The following MTOR variants were observed in gnomAD, a reference collection of about 807,000 sequenced individuals.
MTOR encodes serine/threonine-protein kinase mTOR.
MTOR carries 70 observed loss-of-function variants against 319.8 expected under a neutral mutation model. The ratio of observed to expected loss-of-function variants is 0.22; its 90% CI spans 0.18 to 0.27. The LOEUF (loss-of-function observed/expected upper bound fraction) is 0.27. Among genes scored for constraint, MTOR ranks in the 10% least tolerant of loss-of-function variants. The pLI, the probability that MTOR is intolerant of heterozygous loss-of-function variation, is 1.00. For synonymous variants in MTOR, 1,183 were observed against 1,211.4 expected, an observed-to-expected ratio of 0.98 and a Z score of 0.49; for missense variants, 1,890 against 3,274.4, an observed-to-expected ratio of 0.58 and a Z score of 10.32.
Position 11,204,848 on chromosome 1 carries a change from G to T in MTOR, c.3802-145C>A, listed in dbSNP as rs77898037. On this transcript the variant is annotated intron_variant, in intron 25 of 57. Coordinates refer to ENST00000361445, the MANE Select transcript of MTOR (RefSeq NM_004958.4). ...ATTCCCCTAGAGTACAAATACAAAA[G>T]AATAATATTTAATTAAGAACAGCAA... 1.4e-3 allele frequency: 1,424 copies of T among 992,784 alleles called. 10 individuals carry two copies. The African/African-American group carries it at 0.02, about 14-fold the overall frequency. 61.5% of individuals were successfully genotyped at this position (992,784 alleles called of 1,614,324 possible).
In MTOR at chr1:11,107,010, G is replaced by A. The variant is rs769697627; in HGVS notation, c.*475C>T. On this transcript the variant is annotated 3_prime_UTR_variant, in exon 58 of 58. Transcript: ENST00000361445. Reference sequence around the variant, plus strand: ...CAGTGAGGTCTTGGGATAGGTGGCAGGGGTGAGGTCAGCATCTTCTGTGTC... The same window carrying A: ...CAGTGAGGTCTTGGGATAGGTGGCAAGGGTGAGGTCAGCATCTTCTGTGTC... 11 of 1,370,850 alleles carry A rather than the reference G, an allele frequency of 8.0e-6. No homozygotes were observed. The South Asian group carries it at 1.3e-4, about 17-fold the overall frequency. The allele number at this position is 1,370,850 out of a possible 1,614,324, so 84.9% of individuals were successfully genotyped here.
chr1:11,258,494 A>G lies in MTOR; in HGVS notation c.262T>C (p.Leu88=). Residue 88 remains leucine, a synonymous_variant, in exon 3 of 58, where the codon TTG becomes CTG. Transcript: ENST00000361445. ...SDANERKGGI[L]AIASLIGVEG... ...GAGACTCTGTCCTTACCTATGGCCA[A>G]GATGCCACCTTTCCTCTCATTGGCA... 1 of 1,613,338 alleles carries G rather than the reference A, an allele frequency of 6.2e-7. No individual in the cohort carries two copies. The highest frequency in any genetic ancestry group is 8.5e-7 in the Non-Finnish European group (1 of 1,179,414).
chr1:11,227,867 G>A (rs1279897966), intron 19 of MTOR, among the ~76,000 whole-genome samples: 1 of 152,144 alleles, frequency 6.6e-6, no homozygotes, highest in African/African-American at 2.4e-5. Context: ...GAGTCTCAAA[G>A]TGTCACCCCA....
At chr1:11,120,044 T>C (rs1642425360) in intron 49 of MTOR, among the ~76,000 whole-genome samples, 1 of 145,926 alleles carries the variant, frequency 6.9e-6, no homozygotes, top group African/African-American at 2.5e-5. Flanking sequence ...AGTGAGACTT[T>C]GTCTCTAAAA....
chr1:11,260,642 T>TA (rs1650989720), intron 1 of MTOR, among the ~76,000 whole-genome samples: 1 of 151,570 alleles, frequency 6.6e-6, no homozygotes, highest in African/African-American at 2.4e-5. Context: ...CAGGTGAAAT[T>TA]AATTACCTAA....
chr1:11,127,147 G>A lies in MTOR; in HGVS notation c.6217-3C>T, dbSNP rs766740468. Reference sequence around the variant, plus strand: ...TCCATTAAATCTCGACCATAGGCCTGAGAGAGAAAGCAGGCACGTTTTCAA... The same window carrying A: ...TCCATTAAATCTCGACCATAGGCCTAAGAGAGAAAGCAGGCACGTTTTCAA... On this transcript the variant is annotated splice_region_variant and splice_polypyrimidine_tract_variant and intron_variant, in intron 44 of 57. Transcript: ENST00000361445. The surrounding 1 kb of genome is among the most constrained non-coding windows in gnomAD (Gnocchi z 5.5). The A allele has an allele frequency of 3.7e-6, 6 of 1,613,702 alleles. No individual in the cohort carries two copies. Among genetic ancestry groups the A allele is most frequent in the Non-Finnish European group, 5.1e-6 (6 of 1,179,928 alleles).
At chr1:11,249,007 T>C (rs1206175774) in intron 6 of MTOR, among the ~76,000 whole-genome samples, 1 of 151,988 alleles carries the variant, frequency 6.6e-6, no homozygotes, top group Non-Finnish European at 1.5e-5. Context: ...GGGCAGATCA[T>C]GAGGTCAGGA....
At chr1:11,182,790 C>T (rs1435876785) in intron 28 of MTOR, among the ~76,000 whole-genome samples, 1 of 152,220 alleles carries the variant, frequency 6.6e-6, no homozygotes, top group African/African-American at 2.4e-5. Flanking sequence ...GGCTGCTGCA[C>T]GTCGCAACAG....
intron 28 of MTOR, among the ~76,000 whole-genome samples, chr1:11,197,612 G>A (rs1302111833): frequency 6.6e-6 from 1 of 152,152 alleles, no homozygotes; most frequent in Non-Finnish European, 1.5e-5. Context: ...CGCAATCTTG[G>A]CTCATTGCAA....
At chr1:11,219,604 G>A (rs1208371227) in intron 19 of MTOR, among the ~76,000 whole-genome samples, 3 of 152,072 alleles carry the variant, frequency 2.0e-5, no homozygotes, top group Non-Finnish European at 2.9e-5. Context: ...TATAAAACAC[G>A]TGAGGAAACA....
At position 11,140,915 on chromosome 1, in the gene MTOR, A is replaced by G. The variant is rs191671050; in HGVS notation, c.4873-1257T>C. ...GAAGTTTAAAAATTTTTGAAGTGACATTGTTTTTAAGTTGGTAGCATTTAT... is the reference window on the plus strand; with the variant it reads ...GAAGTTTAAAAATTTTTGAAGTGACGTTGTTTTTAAGTTGGTAGCATTTAT... On this transcript the variant is annotated intron_variant, in intron 34 of 57. Coordinates refer to ENST00000361445, the MANE Select transcript of MTOR (RefSeq NM_004958.4). 2.7e-5 allele frequency among the ~76,000 whole-genome samples: 4 copies of G among 149,088 alleles called. No individual in the cohort carries two copies. The East Asian group carries it at 8.3e-4, about 31-fold the overall frequency.
chr1:11,189,848 G>A lies in MTOR; in HGVS notation c.4253+9410C>T, dbSNP rs753003549. 1.4e-5 allele frequency: 22 copies of A among 1,614,076 alleles called. No homozygotes were observed. The East Asian group carries it at 2.2e-4, about 16-fold the overall frequency. Reference sequence around the variant, plus strand: ...ATGGAGCTGGAGAGCAACAGCAAGCGCATGGAGTCGCGGCTCACAGATGCT... The same window carrying A: ...ATGGAGCTGGAGAGCAACAGCAAGCACATGGAGTCGCGGCTCACAGATGCT... On this transcript the variant is annotated intron_variant, in intron 28 of 57. Coordinates refer to ENST00000361445, the MANE Select transcript of MTOR (RefSeq NM_004958.4).
rs780396070 is a variant in MTOR, at chr1:11,247,674, G to A, written c.1176C>T (p.Ile392=). The A allele has an allele frequency of 9.3e-6, 15 of 1,614,096 alleles. No homozygotes were observed. Among genetic ancestry groups the A allele is most frequent in the Middle Eastern group, 1.6e-4 (1 of 6,084 alleles). The change falls in exon 8 of 58, where the codon ATC becomes ATT. Residue 392 remains isoleucine (I), a synonymous_variant. Coordinates refer to ENST00000361445, the MANE Select transcript of MTOR (RefSeq NM_004958.4). ...NSKNSLIQMT[I]LNLLPRLAAF... ...CAGCCAAGCGGGGCAACAAATTAAGGATTGTCATTTGGATCAGCGAGTTCT... is the reference window on the plus strand; with the variant it reads ...CAGCCAAGCGGGGCAACAAATTAAGAATTGTCATTTGGATCAGCGAGTTCT...
At chr1:11,166,831 A>T (rs1008261832) in intron 29 of MTOR, among the ~76,000 whole-genome samples, 6 of 152,202 alleles carry the variant, frequency 3.9e-5, no homozygotes, top group Non-Finnish European at 5.9e-5. Context: ...AATAGCAAAG[A>T]CTTGGAACCA....
intron 30 of MTOR, 89 bp downstream of exon 30, chr1:11,157,063 C>T (rs2100565595): frequency 6.8e-7 from 1 of 1,467,836 alleles, no homozygotes; most frequent in Non-Finnish European, 9.1e-7. Flanking sequence ...AGTGAGAACT[C>T]CGTGTGGGGG....
chr1:11,189,952 G>A (rs577777414), intron 28 of MTOR: 19 of 1,605,940 alleles, frequency 1.2e-5, no homozygotes, highest in Admixed American at 3.4e-5. Context: ...TCAGACCTCC[G>A]CAGGTAAGGA....
chr1:11,186,734 C>A (rs1215337040), intron 28 of MTOR, among the ~76,000 whole-genome samples: 1 of 152,166 alleles, frequency 6.6e-6, no homozygotes, highest in Non-Finnish European at 1.5e-5. Context: ...ACAAGGACTT[C>A]TTTTTCCTTC....
intron 1 of MTOR, among the ~76,000 whole-genome samples, chr1:11,259,650 G>A (rs925887858): frequency 6.6e-6 from 1 of 152,106 alleles, no homozygotes; most frequent in Admixed American, 6.6e-5. Context: ...GTGGGCTATC[G>A]GCCTAGCCTA....
chr1:11,196,859 A>AAAAG (rs1557832611), intron 28 of MTOR, among the ~76,000 whole-genome samples: 3 of 151,686 alleles, frequency 2.0e-5, no homozygotes, highest in Admixed American at 6.6e-5. Context: ...TAAAAAAAAA[A>AAAAG]AAAAGAAAAG....
Sources: gnomAD v4.1 joint callset for allele counts (sites outside exome capture counted in the v4.1 genomes callset) on GRCh38, gnomAD v4.1.1 for gene constraint, Gnocchi (gnomAD v3.1) non-coding constraint, MANE v1.5 for transcripts, NCBI Gene and HGNC (gene_info 2026-07-23, HGNC 2026-07-21) for gene names.